Variants in RLF observed in about 807,000 individuals in gnomAD.
RLF encodes zinc finger protein Rlf.
RLF carries 7 observed loss-of-function variants against 162.9 expected under a neutral mutation model. The observed-to-expected ratio is 0.04, with a 90% confidence interval of 0.02 to 0.08. The LOEUF is 0.08. RLF is among the 10% of genes least tolerant of loss of function. The pLI is 1.00. For synonymous variants in RLF, 782 were observed against 791.5 expected, an observed-to-expected ratio of 0.99 and a Z score of 0.20; for missense variants, 1,664 against 2,244.7, an observed-to-expected ratio of 0.74 and a Z score of 5.23.
At chr1:40,199,234 A>G (rs2124540654) in intron 4 of RLF, among the ~76,000 whole-genome samples, 1 of 152,350 alleles carries the variant, frequency 6.6e-6, no homozygotes, top group East Asian at 1.9e-4. Context: ...GCATGGTTTA[A>G]TTAAACATCC....
At chr1:40,205,563 C>T (rs1642780150) in intron 5 of RLF, among the ~76,000 whole-genome samples, 1 of 145,138 alleles carries the variant, frequency 6.9e-6, no homozygotes, top group African/African-American at 2.6e-5. Context: ...GATCTTGGCT[C>T]GCTGCAAGCT....
At chr1:40,179,576 G>A (rs1269163109) in intron 1 of RLF, among the ~76,000 whole-genome samples, 1 of 149,442 alleles carries the variant, frequency 6.7e-6, no homozygotes, top group Non-Finnish European at 1.5e-5. Flanking sequence ...TTTTATTGTG[G>A]TAAAGTATAC....
intron 1 of RLF, among the ~76,000 whole-genome samples, chr1:40,169,524 G>A (rs1642210561): frequency 6.7e-6 from 1 of 148,958 alleles, no homozygotes; most frequent in South Asian, 2.1e-4. Context: ...GCTGAGGCAG[G>A]AGAATGGCGT....
rs560662526 is a variant in RLF, at chr1:40,161,547, C to T, written c.148C>T (p.Arg50Trp). The T allele has an allele frequency of 5.6e-6, 9 of 1,607,240 alleles. No individual in the cohort carries two copies. In the African/African-American group the frequency reaches 1.2e-4, roughly 22 times the overall value. The part of the protein sequence containing the change: ...VSPAPGASGL[R>W]PCLWQLETEL... ...TCCAGCGCCGGGAGCCTCGGGACTG[C>T]GGCCGTGTCTGTGGCAGCTGGAGAC... is the stretch of plus-strand genomic sequence containing the variant. The change falls in exon 1 of 8, where the codon CGG (arginine) becomes TGG (tryptophan). Residue 50 changes from arginine (R) to tryptophan (W), a missense_variant. Coordinates refer to ENST00000372771, the MANE Select transcript of RLF (RefSeq NM_012421.4). This position sits in a 1 kb window ranked among gnomAD's most constrained non-coding sequence, Gnocchi z 4.4.
At position 40,176,414 on chromosome 1, in the gene RLF, G is replaced by A. The variant is rs74556018; in HGVS notation, c.238-12641G>A. 2.4e-3 allele frequency among the ~76,000 whole-genome samples: 365 copies of A among 152,282 alleles called. 1 individual carries two copies. Among genetic ancestry groups the A allele is most frequent in the African/African-American group, 8.3e-3 (346 of 41,564 alleles). On this transcript the variant is annotated intron_variant, in intron 1 of 7. Coordinates refer to ENST00000372771, the MANE Select transcript of RLF (RefSeq NM_012421.4). ...TTTAGCCACTCTAAAATTGCTGTTA[G>A]TTCATTGTGATTCTAATTTGCATTT...
Position 40,176,639 on chromosome 1 carries a change from TG to T in RLF, c.238-12415del, listed in dbSNP as rs1642329809. Among the ~76,000 whole-genome samples the T allele has an allele frequency of 5.3e-5, 8 of 152,234 alleles. No individual in the cohort carries two copies. The South Asian group carries it at 1.7e-3, about 32-fold the overall frequency. On this transcript the variant is annotated intron_variant, in intron 1 of 7. Transcript: ENST00000372771. ...GTATTTTTTTATAATGGCGGGATTT[TG>T]CCACATTGCCCAGATTGGTCTCAAA...
At chr1:40,176,011 A>G (rs1198137478) in intron 1 of RLF, among the ~76,000 whole-genome samples, 3 of 152,192 alleles carry the variant, frequency 2.0e-5, no homozygotes, top group South Asian at 2.1e-4. Flanking sequence ...TATAAATACT[A>G]TAATCATATA....
chr1:40,186,738 T>C (rs1444588419), intron 1 of RLF, among the ~76,000 whole-genome samples: 7 of 152,198 alleles, frequency 4.6e-5, no homozygotes, highest in Non-Finnish European at 1.5e-5. Flanking sequence ...TAGCACTTTA[T>C]GTGTGATAAT....
At chr1:40,222,845 C>A in intron 6 of RLF, 135 bp downstream of exon 6, 1 of 659,274 alleles carries the variant, frequency 1.5e-6, no homozygotes, top group South Asian at 2.2e-5. Flanking sequence ...CACACACAAT[C>A]ATTTAATTAA....
intron 1 of RLF, chr1:40,177,820 C>G: frequency 6.6e-6 from 1 of 151,818 alleles, no homozygotes; most frequent in East Asian, 1.9e-4. Context: ...ATAGGTATAT[C>G]TAAACTTTAA....
chr1:40,194,283 A>G (rs1157216026), intron 3 of RLF, among the ~76,000 whole-genome samples: 1 of 152,174 alleles, frequency 6.6e-6, no homozygotes, highest in African/African-American at 2.4e-5. Flanking sequence ...AATTCCTGTT[A>G]GAGGAACAGG....
chr1:40,198,385 A>G (rs886653219), intron 4 of RLF, among the ~76,000 whole-genome samples: 3 of 143,372 alleles, frequency 2.1e-5, no homozygotes, highest in African/African-American at 7.9e-5. Context: ...GCTCACTGCA[A>G]CCTCCGCCTC....
intron 5 of RLF, among the ~76,000 whole-genome samples, chr1:40,216,817 A>G (rs1383486608): frequency 2.6e-5 from 4 of 152,090 alleles, no homozygotes; most frequent in Non-Finnish European, 5.9e-5. Context: ...TTTGGGAGGC[A>G]GAGGCGGGCA....
intron 7 of RLF, among the ~76,000 whole-genome samples, chr1:40,233,509 CA>C (rs572327658): frequency 3.9e-4 from 60 of 152,318 alleles, no homozygotes; most frequent in African/African-American, 1.4e-3. Flanking sequence ...CTCTTACTTA[CA>C]AATGATAAAC....
Position 40,194,530 on chromosome 1 carries a change from C to T in RLF, c.475-1102C>T, listed in dbSNP as rs200356546. 3.6e-3 allele frequency among the ~76,000 whole-genome samples: 550 copies of T among 151,552 alleles called. 13 individuals carry two copies. Among genetic ancestry groups the T allele is most frequent in the East Asian group, 0.031 (161 of 5,150 alleles). The stretch of plus-strand genomic sequence containing the variant: ...TGGCAGGCGCCTGTAATCCCAGCTA[C>T]TTGGGAGATTGAGGCAGGAGAATCG... On this transcript the variant is annotated intron_variant, in intron 3 of 7. Transcript: ENST00000372771.
In RLF at chr1:40,238,488, A is replaced by T. The variant is rs1392068773; in HGVS notation, c.3786A>T (p.Glu1262Asp). ...SSETDLESSC[E>D]ETESKTSDIS... ...AAACAGATTTGGAATCATCTTGTGA[A>T]GAAACAGAAAGTAAAACATCTGACA... The change falls in exon 8 of 8, where the codon GAA becomes GAT. Residue 1262 changes from glutamate to aspartate, a missense_variant. Coordinates refer to ENST00000372771, the MANE Select transcript of RLF (RefSeq NM_012421.4). The surrounding 1 kb of genome is among the most constrained non-coding windows in gnomAD (Gnocchi z 5.2). 6.2e-7 allele frequency: 1 copy of T among 1,614,128 alleles called. No individual in the cohort carries two copies.
chr1:40,229,837 G>A (rs971459718), intron 6 of RLF, among the ~76,000 whole-genome samples: 3 of 151,906 alleles, frequency 2.0e-5, no homozygotes, highest in Admixed American at 6.6e-5. Flanking sequence ...ACCTTATGCC[G>A]GGCACGGTGG....
At chr1:40,207,623 G>GT (rs372998927) in intron 5 of RLF, among the ~76,000 whole-genome samples, 13 of 151,720 alleles carry the variant, frequency 8.6e-5, no homozygotes, top group South Asian at 2.1e-4. Context: ...GTTGAAAATT[G>GT]TTTTTTTTGG....
In RLF at chr1:40,220,308, C is replaced by G. The variant is rs1557755733; in HGVS notation, c.811-2266C>G. Among the ~76,000 whole-genome samples the G allele has an allele frequency of 5.9e-5, 9 of 152,260 alleles. No individual in the cohort carries two copies. The South Asian group carries it at 1.2e-3, about 21-fold the overall frequency. ...TGCTCCCACAGTATTGCTGGGTTACCCACAACTATACTGAAATATTTTATT... is the reference window on the plus strand; with the variant it reads ...TGCTCCCACAGTATTGCTGGGTTACGCACAACTATACTGAAATATTTTATT... On this transcript the variant is annotated intron_variant, in intron 5 of 7. Transcript: ENST00000372771.
Sources: allele counts gnomAD v4.1 joint callset (sites outside exome capture counted in the v4.1 genomes callset), GRCh38; gene constraint gnomAD v4.1.1; non-coding constraint Gnocchi (gnomAD v3.1); transcripts MANE v1.5; gene names NCBI Gene and HGNC (gene_info 2026-07-23, HGNC 2026-07-21).